Variants in RANBP17 observed in about 807,000 individuals in gnomAD.
RANBP17 encodes the protein ran-binding protein 17.
RANBP17 carries 158 observed loss-of-function variants against 141.2 expected under a neutral mutation model. The ratio of observed to expected loss-of-function variants is 1.12; its 90% CI spans 0.98 to 1.28. RANBP17 has a LOEUF of 1.28. RANBP17 is among the 50% of genes most tolerant of loss of function. The probability of loss-of-function intolerance (pLI) is 0.00; values close to 1 mark genes in which losing one functional copy is unlikely to be tolerated. For synonymous variants in RANBP17, 430 were observed against 450.0 expected (o/e 0.96, Z 0.56); for missense variants, 1,438 against 1,290.7 (o/e 1.11, Z -1.75).
chr5:170,865,455 CA>C (rs1409360082), intron 1 of RANBP17, among the ~76,000 whole-genome samples: 1 of 152,140 alleles, frequency 6.6e-6, no homozygotes, highest in Non-Finnish European at 1.5e-5. Context: ...AGGTTGTGTC[CA>C]CTCTGTTGGA....
At chr5:170,983,855 A>G (rs1455676370) in intron 14 of RANBP17, among the ~76,000 whole-genome samples, 5 of 152,188 alleles carry the variant, frequency 3.3e-5, no homozygotes, top group African/African-American at 1.2e-4. Context: ...GGGAGAGAAG[A>G]TTCCTGAATG....
intron 14 of RANBP17, among the ~76,000 whole-genome samples, chr5:171,098,604 G>T (rs1786883184): frequency 6.6e-6 from 1 of 152,128 alleles, no homozygotes. Flanking sequence ...TCACTCTGAT[G>T]ATAGTTTCTT....
At chr5:171,089,012 G>A (rs1183029469) in intron 14 of RANBP17, among the ~76,000 whole-genome samples, 1 of 151,874 alleles carries the variant, frequency 6.6e-6, no homozygotes, top group Admixed American at 6.6e-5. Flanking sequence ...GTGAGGAACT[G>A]CGTTCCTTTG....
At chr5:171,028,139 A>G (rs986805237) in intron 14 of RANBP17, among the ~76,000 whole-genome samples, 9 of 152,110 alleles carry the variant, frequency 5.9e-5, no homozygotes, top group African/African-American at 2.2e-4. Context: ...CACTAAATAA[A>G]TTTTTAATTT....
chr5:171,097,674 A>G (rs1422727775), intron 14 of RANBP17, among the ~76,000 whole-genome samples: 2 of 149,838 alleles, frequency 1.3e-5, no homozygotes, highest in Non-Finnish European at 3.0e-5. Context: ...TCTGGGATAC[A>G]TGTGCAGAAC....
chr5:171,073,020 G>C (rs1784717547), intron 14 of RANBP17, among the ~76,000 whole-genome samples: 1 of 151,896 alleles, frequency 6.6e-6, no homozygotes, highest in Non-Finnish European at 1.5e-5. Context: ...CAGCTAATAA[G>C]AACAGAAAAC....
chr5:170,920,503 T>C (rs1772355067), intron 11 of RANBP17, among the ~76,000 whole-genome samples: 1 of 116,922 alleles, frequency 8.6e-6, no homozygotes, highest in Non-Finnish European at 1.9e-5. Context: ...AATTGGGTTG[T>C]ATATTTTCTT....
intron 14 of RANBP17, among the ~76,000 whole-genome samples, chr5:171,169,534 C>T (rs1192117818): frequency 6.6e-6 from 1 of 152,108 alleles, no homozygotes; most frequent in Non-Finnish European, 1.5e-5. Context: ...TTCCCAGGCC[C>T]TGATGTTTTC....
intron 14 of RANBP17, among the ~76,000 whole-genome samples, chr5:171,089,051 G>A (rs1387449572): frequency 1.3e-5 from 2 of 151,800 alleles, no homozygotes; most frequent in Non-Finnish European, 2.9e-5. Flanking sequence ...GCGTTTTAGA[G>A]TTTCCAGTTT....
chr5:170,958,407 G>C (rs942463915), intron 13 of RANBP17, among the ~76,000 whole-genome samples: 5 of 151,906 alleles, frequency 3.3e-5, no homozygotes, highest in Admixed American at 1.3e-4. Flanking sequence ...GCTGAAGCCA[G>C]GGGTGAGGTG....
chr5:170,947,571 C>T (rs1469695222), intron 12 of RANBP17, among the ~76,000 whole-genome samples: 3 of 152,098 alleles, frequency 2.0e-5, no homozygotes, highest in Non-Finnish European at 4.4e-5. Flanking sequence ...TATTATCTCT[C>T]AGTGTTCTGG....
chr5:171,183,436 G>C lies in RANBP17; in HGVS notation c.2038+6G>C. ...CCTTCTGATGGTAGATCTGGGTAAG[G>C]TTAAGAATTTAAACTCAATTAATAA... is the stretch of plus-strand genomic sequence containing the variant. On this transcript the variant is annotated splice_donor_region_variant and intron_variant, in intron 18 of 27. Transcript: ENST00000523189. 6.3e-7 allele frequency: 1 copy of C among 1,597,866 alleles called. No homozygotes were observed. The highest frequency in any genetic ancestry group is 8.6e-7 in the Non-Finnish European group (1 of 1,165,412).
At chr5:171,042,856 AG>A (rs1319588939) in intron 14 of RANBP17, among the ~76,000 whole-genome samples, 1 of 152,138 alleles carries the variant, frequency 6.6e-6, no homozygotes, top group African/African-American at 2.4e-5. Context: ...CTTTGTACAG[AG>A]GGAGTATATA....
intron 25 of RANBP17, among the ~76,000 whole-genome samples, chr5:171,274,130 G>A (rs1767325592): frequency 7.9e-6 from 1 of 127,104 alleles, no homozygotes; most frequent in Admixed American, 8.0e-5. Flanking sequence ...GTGTGTGTGT[G>A]TGTGTGTGTG....
chr5:171,195,036 G>C (rs1386809271), intron 18 of RANBP17, among the ~76,000 whole-genome samples: 1 of 152,110 alleles, frequency 6.6e-6, no homozygotes, highest in Non-Finnish European at 1.5e-5. Context: ...TTAGCTTTGG[G>C]TTTTACCTAA....
intron 14 of RANBP17, among the ~76,000 whole-genome samples, chr5:171,155,094 A>AAAATAT (rs34090443): frequency 5.7e-4 from 43 of 74,964 alleles, no homozygotes; most frequent in Middle Eastern, 0.01. Context: ...AAAAAAAAAA[A>AAAATAT]ATATATATAT....
chr5:171,137,572 A>AT (rs1554103797), intron 14 of RANBP17, among the ~76,000 whole-genome samples: 2 of 141,032 alleles, frequency 1.4e-5, no homozygotes, highest in Non-Finnish European at 3.1e-5. Flanking sequence ...TTGACTTGAG[A>AT]TGTGTGTGTG....
intron 14 of RANBP17, among the ~76,000 whole-genome samples, chr5:170,984,891 C>T (rs537212870): frequency 1.3e-5 from 2 of 152,024 alleles, no homozygotes; most frequent in East Asian, 1.9e-4. Flanking sequence ...AGAAAAGGTC[C>T]ATTTTAATTT....
At chr5:171,188,681 T>G (rs1761429021) in intron 18 of RANBP17, among the ~76,000 whole-genome samples, 1 of 152,178 alleles carries the variant, frequency 6.6e-6, no homozygotes, top group Non-Finnish European at 1.5e-5. Context: ...TTTCAGAACC[T>G]GGAAATGGAA....
Sources: gnomAD v4.1 joint callset for allele counts (sites outside exome capture counted in the v4.1 genomes callset) on GRCh38, gnomAD v4.1.1 for gene constraint, MANE v1.5 for transcripts, NCBI Gene and HGNC (gene_info 2026-07-23, HGNC 2026-07-21) for gene names.